CACNA2D1: variants seen among roughly 807,000 people sequenced by gnomAD.
CACNA2D1 encodes the protein voltage-dependent calcium channel subunit alpha-2/delta-1.
CACNA2D1 carries 53 observed loss-of-function variants against 171.5 expected under a neutral mutation model. The ratio of observed to expected loss-of-function variants is 0.31; its 90% CI spans 0.25 to 0.39. CACNA2D1 has a LOEUF of 0.39. CACNA2D1 is among the 10% of genes least tolerant of loss of function. The pLI is 1.00. For missense variants in CACNA2D1, 903 were observed against 1,299.8 expected (o/e 0.69, Z 4.69); for synonymous variants, 442 against 443.1 (o/e 1.00, Z 0.03).
At chr7:82,161,769 A>C (rs779118932) in intron 4 of CACNA2D1, among the ~76,000 whole-genome samples, 3 of 152,064 alleles carry the variant, frequency 2.0e-5, no homozygotes, top group Non-Finnish European at 4.4e-5. Flanking sequence ...GTCATCGGAT[A>C]AATGAGCCTA....
At chr7:82,201,877 C>A (rs1047548220) in intron 3 of CACNA2D1, among the ~76,000 whole-genome samples, 1 of 152,204 alleles carries the variant, frequency 6.6e-6, no homozygotes, top group Non-Finnish European at 1.5e-5. Flanking sequence ...CTTTCTCTGG[C>A]TTCCCACATT....
chr7:82,279,111 G>C (rs2129369016), intron 3 of CACNA2D1, among the ~76,000 whole-genome samples: 1 of 152,228 alleles, frequency 6.6e-6, no homozygotes, highest in South Asian at 2.1e-4. Flanking sequence ...ACTGTATTTT[G>C]CAGGCCAACT....
intron 38 of CACNA2D1, among the ~76,000 whole-genome samples, chr7:81,957,831 T>TAATG (rs1383686134): frequency 2.6e-5 from 4 of 152,128 alleles, no homozygotes; most frequent in Admixed American, 2.6e-4. Context: ...CAAATCCTTT[T>TAATG]AATGGCTTGA....
At chr7:82,277,745 C>T (rs1265960579) in intron 3 of CACNA2D1, among the ~76,000 whole-genome samples, 4 of 142,154 alleles carry the variant, frequency 2.8e-5, no homozygotes, top group South Asian at 2.2e-4. Flanking sequence ...TAATTTTTTA[C>T]TTTTATTTTT....
chr7:82,093,470 A>G (rs1811475756), intron 6 of CACNA2D1, among the ~76,000 whole-genome samples: 1 of 152,110 alleles, frequency 6.6e-6, no homozygotes, highest in Non-Finnish European at 1.5e-5. Flanking sequence ...TTTTTCCTCA[A>G]GGAACTTTTG....
intron 3 of CACNA2D1, among the ~76,000 whole-genome samples, chr7:82,263,102 C>CTATTT: frequency 1.9e-5 from 2 of 107,994 alleles, no homozygotes; most frequent in South Asian, 6.4e-4. Flanking sequence ...CATAACACCA[C>CTATTT]TTTTTTTTTT....
chr7:82,126,976 T>C (rs1361548746), intron 5 of CACNA2D1, among the ~76,000 whole-genome samples: 4 of 152,226 alleles, frequency 2.6e-5, no homozygotes, highest in Non-Finnish European at 5.9e-5. Flanking sequence ...AAGAACTTGG[T>C]TCTGATGGAA....
Position 81,982,580 on chromosome 7 carries a change from A to T in CACNA2D1, c.1942T>A (p.Phe648Ile). 6.2e-7 allele frequency: 1 copy of T among 1,604,170 alleles called. No individual in the cohort carries two copies. Among genetic ancestry groups the T allele is most frequent in the Non-Finnish European group, 8.5e-7 (1 of 1,171,216 alleles). ...AACAAAACCAACCTTGGTGCTATGA[A>T]TGTATAGCCAGATTCTTCAAAATTA... ...PDNFEESGYTFIAPRDYCNDL... is the reference protein window; with the variant it reads ...PDNFEESGYTIIAPRDYCNDL... The change falls in exon 24 of 39, where the codon TTC becomes ATC. Residue 648 changes from phenylalanine (F) to isoleucine (I), a missense_variant. Physicochemically the swap from Phe to Ile is conservative, Grantham distance 21. Transcript: ENST00000356860.
At chr7:82,340,801 T>C (rs1450747156) in intron 2 of CACNA2D1, among the ~76,000 whole-genome samples, 1 of 152,162 alleles carries the variant, frequency 6.6e-6, no homozygotes. Flanking sequence ...ATACATACAT[T>C]GTATAAAACT....
intron 10 of CACNA2D1, among the ~76,000 whole-genome samples, chr7:82,042,162 C>A (rs188702005): frequency 7.7e-4 from 117 of 152,218 alleles, no homozygotes; most frequent in Non-Finnish European, 1.9e-4. Context: ...TATAGCAAAT[C>A]TTACTCTCCT....
In CACNA2D1 at chr7:81,970,698, C is replaced by A. The variant is rs1460068907; in HGVS notation, c.2181G>T (p.Gly727=). The change falls in exon 27 of 39, where the codon GGG becomes GGT. Residue 727 remains glycine (G), a synonymous_variant. Coordinates refer to ENST00000356860, the MANE Select transcript of CACNA2D1 (RefSeq NM_000722.4). ...ACTCTTTGGGATAAACTCTGGTAAT[C>A]CCACCATCAGTCACAACAAATCGTG... is the stretch of plus-strand genomic sequence containing the variant. ...VKARFVVTDG[G]ITRVYPKEAG... 6.3e-7 allele frequency: 1 copy of A among 1,589,400 alleles called. No individual in the cohort carries two copies. The highest frequency in any genetic ancestry group is 1.7e-5 in the Admixed American group (1 of 59,782).
chr7:81,949,010 G>A lies in CACNA2D1; in HGVS notation c.*1382C>T, dbSNP rs1246310975. On this transcript the variant is annotated 3_prime_UTR_variant, in exon 39 of 39. Coordinates refer to ENST00000356860, the MANE Select transcript of CACNA2D1 (RefSeq NM_000722.4). Reference sequence around the variant, plus strand: ...AGATTCAAGGTTTCCTATTTGTTCAGATTATTGTAAAACCCTTATCAACTT... The same window carrying A: ...AGATTCAAGGTTTCCTATTTGTTCAAATTATTGTAAAACCCTTATCAACTT... The A allele has an allele frequency of 2.0e-5, 3 of 151,890 alleles. No homozygotes were observed. The highest frequency in any genetic ancestry group is 4.4e-5 in the Non-Finnish European group (3 of 67,906). The allele number at this position is 151,890 out of a possible 1,614,324, so 9.4% of individuals were successfully genotyped here. A position where few individuals can be genotyped will look rare whatever the true frequency, so the allele number is the denominator to read the frequency against.
intron 12 of CACNA2D1, chr7:82,028,450 C>T (rs1246108234): frequency 6.6e-6 from 1 of 151,786 alleles, no homozygotes; most frequent in Admixed American, 6.6e-5. Flanking sequence ...TTTTGTAGCA[C>T]ATGGATCAAG....
intron 1 of CACNA2D1, among the ~76,000 whole-genome samples, chr7:82,410,012 G>A (rs1002521492): frequency 3.3e-5 from 5 of 152,138 alleles, no homozygotes; most frequent in Non-Finnish European, 2.9e-5. Context: ...AACATAGAAA[G>A]CTACAGAAAA....
chr7:82,071,917 G>C (rs1808359851), intron 7 of CACNA2D1, among the ~76,000 whole-genome samples: 1 of 152,040 alleles, frequency 6.6e-6, no homozygotes, highest in African/African-American at 2.4e-5. Context: ...CGGTGGTATT[G>C]AGCCCATTTT....
chr7:82,324,520 G>C (rs1816404678), intron 3 of CACNA2D1, among the ~76,000 whole-genome samples: 1 of 152,074 alleles, frequency 6.6e-6, no homozygotes, highest in South Asian at 2.1e-4. Flanking sequence ...TGTCTCCTTA[G>C]TGTAATTCAA....
intron 34 of CACNA2D1, among the ~76,000 whole-genome samples, chr7:81,963,377 G>A (rs1794365975): frequency 6.6e-6 from 1 of 151,928 alleles, no homozygotes; most frequent in Non-Finnish European, 1.5e-5. Context: ...TTAGAAGGGA[G>A]AGAGGGAAGA....
chr7:82,149,985 T>A (rs1793630892), intron 4 of CACNA2D1, among the ~76,000 whole-genome samples: 1 of 151,492 alleles, frequency 6.6e-6, no homozygotes, highest in Non-Finnish European at 1.5e-5. Context: ...TGTGCGTGTG[T>A]GTGTGTGCAT....
chr7:82,162,170 T>G (rs1256815459), intron 4 of CACNA2D1, among the ~76,000 whole-genome samples: 1 of 152,002 alleles, frequency 6.6e-6, no homozygotes, highest in Non-Finnish European at 1.5e-5. Context: ...AAAGTCAAAT[T>G]GGAGTGGGCT....
Sources: allele counts gnomAD v4.1 joint callset (sites outside exome capture counted in the v4.1 genomes callset), GRCh38; gene constraint gnomAD v4.1.1; transcripts MANE v1.5; gene names NCBI Gene and HGNC (gene_info 2026-07-23, HGNC 2026-07-21).